The following YTHDC2 variants were observed in gnomAD, a reference collection of about 807,000 sequenced individuals.
YTHDC2 encodes the protein YTH N6-methyladenosine RNA binding protein C2.
Under a neutral mutation model 174.9 loss-of-function variants are expected in YTHDC2, and 45 were observed. The observed-to-expected ratio is 0.26, with a 90% confidence interval of 0.20 to 0.33. The LOEUF (loss-of-function observed/expected upper bound fraction) is 0.33, where lower values mean the gene tolerates loss of function less well. YTHDC2 is among the 10% of genes least tolerant of loss of function. The pLI is 1.00. For missense variants in YTHDC2, 1,650 were observed against 1,723.7 expected (o/e 0.96, Z 0.76); for synonymous variants, 657 against 574.5 (o/e 1.14, Z -2.05).
chr5:113,528,919 GGTA>G (rs879924949), intron 4 of YTHDC2, among the ~76,000 whole-genome samples: 52 of 152,204 alleles, frequency 3.4e-4, no homozygotes, highest in Non-Finnish European at 3.5e-4. Flanking sequence ...TGTTTTTGGT[GGTA>G]GTGGTGGTGG....
At chr5:113,524,587 T>C (rs1484047202) in intron 2 of YTHDC2, among the ~76,000 whole-genome samples, 1 of 152,114 alleles carries the variant, frequency 6.6e-6, no homozygotes, top group Non-Finnish European at 1.5e-5. Context: ...GTCTGAACTA[T>C]AGACCATAAC....
chr5:113,553,241 C>T lies in YTHDC2; in HGVS notation c.1749C>T (p.Asp583=), dbSNP rs751956857. 5 of 1,598,440 alleles carry T rather than the reference C, an allele frequency of 3.1e-6. No individual in the cohort carries two copies. The highest frequency in any genetic ancestry group is 4.3e-6 in the Non-Finnish European group (5 of 1,173,180). Residue 583 remains aspartate (D), a synonymous_variant, in exon 13 of 30, where the codon GAC becomes GAT. Coordinates refer to ENST00000161863, the MANE Select transcript of YTHDC2 (RefSeq NM_022828.5). ...CTCTGGTTCAAACAAATGGAAGTGACCTCAGTGCTGAAGACAGAGAGCTCC... is the reference window on the plus strand; with the variant it reads ...CTCTGGTTCAAACAAATGGAAGTGATCTCAGTGCTGAAGACAGAGAGCTCC... ...ESSLVQTNGS[D]LSAEDRELLK... is the part of the protein sequence containing the mutation.
intron 4 of YTHDC2, among the ~76,000 whole-genome samples, chr5:113,530,693 T>C (rs1047338640): frequency 1.3e-5 from 2 of 152,194 alleles, no homozygotes; most frequent in African/African-American, 4.8e-5. Context: ...CCAATTGTTA[T>C]GTGTTAGATC....
intron 26 of YTHDC2, among the ~76,000 whole-genome samples, chr5:113,585,937 A>C (rs187910521): frequency 6.6e-6 from 1 of 152,100 alleles, no homozygotes; most frequent in African/African-American, 2.4e-5. Context: ...ATTATGAATA[A>C]AGTTGCTAAC....
rs948314932 is a variant in YTHDC2, at chr5:113,534,299, T to TA, written c.843-2dup. On this transcript the variant is annotated splice_region_variant and splice_polypyrimidine_tract_variant and intron_variant, in intron 5 of 29. Coordinates refer to ENST00000161863, the MANE Select transcript of YTHDC2 (RefSeq NM_022828.5). ...TGTGCACTTTGTTTTGCTTTTTTTT[T>TA]AAAAGGGTTTCTCCAAAGACACTTC... 10 of 1,606,552 alleles carry TA rather than the reference T, an allele frequency of 6.2e-6. No homozygotes were observed. Among genetic ancestry groups the TA allele is most frequent in the Non-Finnish European group, 8.5e-6 (10 of 1,175,338 alleles).
intron 28 of YTHDC2, 85 bp downstream of exon 28, chr5:113,592,263 A>G (rs747985450): frequency 1.1e-5 from 15 of 1,345,100 alleles, no homozygotes; most frequent in Non-Finnish European, 1.5e-5. Context: ...AGAAAATGTA[A>G]GAGTACAAAT....
chr5:113,523,259 T>A (rs1023838047), intron 2 of YTHDC2, among the ~76,000 whole-genome samples: 1 of 152,154 alleles, frequency 6.6e-6, no homozygotes, highest in Non-Finnish European at 1.5e-5. Flanking sequence ...AATATGAAGT[T>A]TTTAAAATTA....
Position 113,567,959 on chromosome 5 carries a change from TAGC to T in YTHDC2, c.3244+114_3244+116del, listed in dbSNP as rs1484044971. 8.4e-6 allele frequency: 7 copies of T among 834,402 alleles called. No homozygotes were observed. The African/African-American group carries it at 1.1e-4, about 13-fold the overall frequency. The allele number at this position is 834,402 out of a possible 1,614,324, so 51.7% of individuals were successfully genotyped here. A position where few individuals can be genotyped will look rare whatever the true frequency, so the allele number is the denominator to read the frequency against. On this transcript the variant is annotated intron_variant, in intron 23 of 29. Coordinates refer to ENST00000161863, the MANE Select transcript of YTHDC2 (RefSeq NM_022828.5). ...AATGAAATTATAAAGATTTATATAG[TAGC>T]AGCTCTATTTTGATGTACTAAGACT...
chr5:113,573,837 T>C (rs1777877557), intron 23 of YTHDC2, among the ~76,000 whole-genome samples: 1 of 152,190 alleles, frequency 6.6e-6, no homozygotes, highest in Non-Finnish European at 1.5e-5. Context: ...TATGTTCTTC[T>C]CTAAACTGGC....
intron 12 of YTHDC2, among the ~76,000 whole-genome samples, chr5:113,552,265 C>G (rs1776296905): frequency 1.3e-5 from 2 of 152,024 alleles, no homozygotes; most frequent in Admixed American, 1.3e-4. Flanking sequence ...GCAATCATCA[C>G]CACAATCAAT....
intron 4 of YTHDC2, 114 bp downstream of exon 4, chr5:113,526,899 A>C (rs1488866747): frequency 1.2e-5 from 3 of 258,886 alleles, no homozygotes; most frequent in Admixed American, 5.7e-5. Flanking sequence ...TGTTTAAAAA[A>C]ACAGAAAAAG....
intron 25 of YTHDC2, chr5:113,581,912 C>G: frequency 2.6e-6 from 1 of 380,798 alleles, no homozygotes; most frequent in Non-Finnish European, 4.4e-6. Flanking sequence ...GAATTTTAAA[C>G]TATTGATATC....
rs773154344 is a variant in YTHDC2 at position 113,581,397 on chromosome 5, A to G, written c.3355-20A>G. The G allele has an allele frequency of 1.3e-6, 2 of 1,548,804 alleles. No individual in the cohort carries two copies. Among genetic ancestry groups the G allele is most frequent in the Admixed American group, 2.1e-5 (1 of 47,998 alleles). On this transcript the variant is annotated intron_variant, in intron 24 of 29. Transcript: ENST00000161863. ...GCATATGTGATATTCATTTGCTTGT[A>G]TCTATTTGAACTATTACAGGCAGCT...
Position 113,553,997 on chromosome 5 carries a change from T to C in YTHDC2, c.2108T>C (p.Val703Ala). 1 of 1,574,042 alleles carries C rather than the reference T, an allele frequency of 6.4e-7. No individual in the cohort carries two copies. The highest frequency in any genetic ancestry group is 8.6e-7 in the Non-Finnish European group (1 of 1,162,060). ...ATCACAGTCAATGATGTTGTCTTTG[T>C]TATTGATTCTGGTAAGGTGAAAGAG... is the stretch of plus-strand genomic sequence containing the variant. ...TSITVNDVVF[V>A]IDSGKVKEKS... is the part of the protein sequence containing the mutation. Residue 703 changes from valine to alanine, a missense_variant, in exon 16 of 30, where the codon GTT (valine) becomes GCT (alanine). Around this residue, in one of 5 missense-constraint regions of YTHDC2, gnomAD observed 913 missense variants for 940.4 expected, o/e 0.97. Coordinates refer to ENST00000161863, the MANE Select transcript of YTHDC2 (RefSeq NM_022828.5).
chr5:113,574,696 G>T (rs757031134), intron 23 of YTHDC2, among the ~76,000 whole-genome samples: 6 of 152,210 alleles, frequency 3.9e-5, no homozygotes, highest in Non-Finnish European at 8.8e-5. Context: ...CATGGAAGTG[G>T]ATCCCACAGA....
At position 113,533,197 on chromosome 5, in the gene YTHDC2, C is replaced by G. The variant is rs1774801506; in HGVS notation, c.842+152C>G. 4.8e-6 allele frequency: 4 copies of G among 837,094 alleles called. No homozygotes were observed. In the South Asian group the frequency reaches 7.7e-5, roughly 16 times the overall value. 51.9% of individuals were successfully genotyped at this position (837,094 alleles called of 1,614,324 possible). A position where few individuals can be genotyped will look rare whatever the true frequency, so the allele number is the denominator to read the frequency against. On this transcript the variant is annotated intron_variant, in intron 5 of 29. Coordinates refer to ENST00000161863, the MANE Select transcript of YTHDC2 (RefSeq NM_022828.5). ...CAAGATATTAAAGTCATGTCTAAAT[C>G]TAGAGTAGTATTGAATGAAGAGTTT... is the stretch of plus-strand genomic sequence containing the variant.
At chr5:113,536,340 A>G (rs1775071326) in intron 7 of YTHDC2, among the ~76,000 whole-genome samples, 1 of 152,218 alleles carries the variant, frequency 6.6e-6, no homozygotes, top group African/African-American at 2.4e-5. Context: ...CCTGGCTAAC[A>G]CAGTGAAACC....
At chr5:113,550,117 GAA>G (rs5870546) in intron 12 of YTHDC2, among the ~76,000 whole-genome samples, 1 of 148,818 alleles carries the variant, frequency 6.7e-6, no homozygotes, top group Admixed American at 6.7e-5. Context: ...AATTGGGGGA[GAA>G]AAAAAAAACG....
intron 10 of YTHDC2, 146 bp from the exon 11 acceptor site, chr5:113,548,395 T>C (rs528800746): frequency 1.7e-5 from 11 of 663,710 alleles, no homozygotes; most frequent in Non-Finnish European, 2.7e-5. Context: ...TTAAGGGTTA[T>C]GTAGTGCTGT....
Sources: allele counts gnomAD v4.1 joint callset (sites outside exome capture counted in the v4.1 genomes callset), GRCh38; gene constraint gnomAD v4.1.1; regional missense constraint gnomAD v4.1.1; transcripts MANE v1.5; gene names NCBI Gene and HGNC (gene_info 2026-07-23, HGNC 2026-07-21).